Variants in TMX2 observed in about 807,000 individuals in gnomAD.
The protein encoded by TMX2 is thioredoxin-related transmembrane protein 2.
Under a neutral mutation model 33.4 loss-of-function variants are expected in TMX2, and 20 were observed. The observed-to-expected ratio is 0.60, with a 90% CI of 0.42 to 0.87. The LOEUF (loss-of-function observed/expected upper bound fraction) is 0.87, where lower values mean the gene tolerates loss of function less well. Ranked by LOEUF, TMX2 falls within the 40% of genes least tolerant of loss-of-function variation. TMX2 has a pLI of 0.00. For synonymous variants in TMX2, 166 were observed against 140.7 expected (o/e 1.18, Z -1.27); for missense variants, 340 against 370.7 (o/e 0.92, Z 0.68).
In TMX2 at chr11:57,728,287, C is replaced by T. The variant is rs368006933; in HGVS notation, c.190-9321C>T. 2.0e-3 allele frequency among the ~76,000 whole-genome samples: 299 copies of T among 152,252 alleles called. 5 individuals carry two copies. The highest frequency in any genetic ancestry group is 6.6e-3 in the African/African-American group (276 of 41,552). On this transcript the variant is annotated intron_variant, in intron 1 of 7. Coordinates refer to ENST00000278422, the MANE Select transcript of TMX2 (RefSeq NM_015959.4). ...ACGCCATTCTCCTGCCTCAGCCTCCCGAGTAGCTGGGACTACAGGCGCCCG... is the reference window on the plus strand; with the variant it reads ...ACGCCATTCTCCTGCCTCAGCCTCCTGAGTAGCTGGGACTACAGGCGCCCG...
intron 1 of TMX2, chr11:57,718,599 T>A: frequency 1.9e-6 from 1 of 532,802 alleles, no homozygotes; most frequent in Non-Finnish European, 3.4e-6. Context: ...ATCTGTTTAG[T>A]TTTATCTATA....
intron 1 of TMX2, among the ~76,000 whole-genome samples, chr11:57,719,760 A>G (rs988723189): frequency 6.6e-6 from 1 of 150,856 alleles, no homozygotes; most frequent in Non-Finnish European, 1.5e-5. Context: ...CAAGTGGTAC[A>G]TTTTCCCTCA....
chr11:57,716,102 C>T (rs1381979444), intron 1 of TMX2, among the ~76,000 whole-genome samples: 2 of 152,142 alleles, frequency 1.3e-5, no homozygotes, highest in Non-Finnish European at 2.9e-5. Context: ...GTTGGGTACA[C>T]CTCCCAGACG....
chr11:57,719,593 T>A (rs1466234618), intron 1 of TMX2, among the ~76,000 whole-genome samples: 1 of 135,070 alleles, frequency 7.4e-6, no homozygotes, highest in African/African-American at 2.7e-5. Context: ...AGATGTCACC[T>A]TACTGCAACC....
chr11:57,722,229 T>TA (rs1298305988), intron 1 of TMX2, among the ~76,000 whole-genome samples: 1 of 152,068 alleles, frequency 6.6e-6, no homozygotes, highest in Non-Finnish European at 1.5e-5. Context: ...CTCGAACTCC[T>TA]GAGCTCAAGC....
intron 1 of TMX2, among the ~76,000 whole-genome samples, chr11:57,736,188 C>T (rs1298248286): frequency 6.6e-6 from 1 of 152,034 alleles, no homozygotes; most frequent in African/African-American, 2.4e-5. Context: ...TTCTCAGTGT[C>T]TTTGTCATGT....
intron 1 of TMX2, among the ~76,000 whole-genome samples, chr11:57,726,246 C>G (rs915278871): frequency 2.0e-5 from 3 of 151,878 alleles, no homozygotes; most frequent in Admixed American, 6.6e-5. Flanking sequence ...AACCCCATCT[C>G]TACTAAAATA....
At chr11:57,721,775 G>A (rs1057439249) in intron 1 of TMX2, among the ~76,000 whole-genome samples, 6 of 152,002 alleles carry the variant, frequency 3.9e-5, no homozygotes, top group African/African-American at 9.7e-5. Flanking sequence ...CTAAGATAGC[G>A]AAAGACTCTT....
rs1947302707 is a variant in TMX2, at chr11:57,718,113, G to A, written c.189+5306G>A. 3.3e-6 allele frequency: 4 copies of A among 1,221,290 alleles called. No individual in the cohort carries two copies. The Admixed American group carries it at 5.0e-5, about 15-fold the overall frequency. 75.7% of individuals were successfully genotyped at this position (1,221,290 alleles called of 1,614,324 possible). On this transcript the variant is annotated intron_variant, in intron 1 of 7. Transcript: ENST00000278422. ...ATTCCTGGACCCAAAGCGCTCCATG[G>A]CCTCTGCAATATTCATGCCTTCTTT...
At chr11:57,713,891 G>T (rs1271639310) in intron 1 of TMX2, among the ~76,000 whole-genome samples, 5 of 152,186 alleles carry the variant, frequency 3.3e-5, no homozygotes, top group African/African-American at 1.2e-4. Flanking sequence ...AATCTGTCCA[G>T]GTGTGTTGAC....
chr11:57,733,247 A>ATTTTTTT (rs71061537), intron 1 of TMX2, among the ~76,000 whole-genome samples: 10 of 74,890 alleles, frequency 1.3e-4, no homozygotes, highest in Admixed American at 1.6e-4. Context: ...ACAGTGAGGA[A>ATTTTTTT]TTTTTTTTTT....
At position 57,738,432 on chromosome 11, in the gene TMX2, T is replaced by C; in HGVS notation, c.441+2T>C. On this transcript the variant is annotated splice_donor_variant, in intron 4 of 7. Transcript: ENST00000278422. LOFTEE classifies it high-confidence loss of function. ...TACTTCAATGATAAAACCATTGATG[T>C]GAGTGCTCTTTCCCCTTTCTGTTTC... The C allele has an allele frequency of 6.2e-7, 1 of 1,605,232 alleles. No individual in the cohort carries two copies.
chr11:57,715,368 T>C (rs1425196105), intron 1 of TMX2, among the ~76,000 whole-genome samples: 2 of 152,034 alleles, frequency 1.3e-5, no homozygotes, highest in Non-Finnish European at 2.9e-5. Context: ...GCCATTGCAC[T>C]CCAGCCTGGG....
At chr11:57,717,986 G>C in intron 1 of TMX2, 8 of 773,738 alleles carry the variant, frequency 1.0e-5, no homozygotes, top group African/African-American at 1.7e-5. Flanking sequence ...GCTCTCCTGA[G>C]AGGAGAGCAC....
intron 1 of TMX2, among the ~76,000 whole-genome samples, chr11:57,729,698 A>G (rs1415977916): frequency 1.3e-5 from 2 of 151,608 alleles, no homozygotes; most frequent in Admixed American, 1.3e-4. Context: ...GGTTGTTATG[A>G]GTCTATGCCA....
chr11:57,729,013 C>T (rs1181150328), intron 1 of TMX2, among the ~76,000 whole-genome samples: 1 of 151,980 alleles, frequency 6.6e-6, no homozygotes, highest in African/African-American at 2.4e-5. Flanking sequence ...AGGGCAGAAA[C>T]GACTCAGTGG....
intron 1 of TMX2, among the ~76,000 whole-genome samples, chr11:57,713,132 T>G (rs551023005): frequency 5.9e-5 from 9 of 152,334 alleles, no homozygotes; most frequent in African/African-American, 2.2e-4. Context: ...CGTTTTACAG[T>G]GCCGCTCATT....
At chr11:57,732,527 A>T (rs1337836095) in intron 1 of TMX2, among the ~76,000 whole-genome samples, 2 of 152,234 alleles carry the variant, frequency 1.3e-5, no homozygotes, top group Non-Finnish European at 2.9e-5. Context: ...GAGACCTTTT[A>T]TAAAGTTCAT....
intron 1 of TMX2, among the ~76,000 whole-genome samples, chr11:57,714,171 G>A (rs1946824342): frequency 6.6e-6 from 1 of 152,142 alleles, no homozygotes; most frequent in Admixed American, 6.5e-5. Context: ...AAGCTGAGTT[G>A]GTGTCTGTGG....
Sources: gnomAD v4.1 joint callset for allele counts (sites outside exome capture counted in the v4.1 genomes callset) on GRCh38, gnomAD v4.1.1 for gene constraint, MANE v1.5 for transcripts, NCBI Gene and HGNC (gene_info 2026-07-23, HGNC 2026-07-21) for gene names.